Variants in CDK15 observed in about 807,000 individuals in gnomAD.
CDK15 encodes cyclin-dependent kinase 15.
CDK15 carries 62 observed loss-of-function variants against 60.3 expected under a neutral mutation model. That is an observed-to-expected ratio of 1.03 (90% CI 0.84 to 1.27). The LOEUF is 1.27. Ranked by LOEUF, CDK15 falls within the 50% of genes most tolerant of loss-of-function variation. CDK15 has a pLI of 0.00. For missense variants in CDK15, 541 were observed against 527.8 expected (o/e 1.03, Z -0.25); for synonymous variants, 194 against 195.7 (o/e 0.99, Z 0.07).
intron 10 of CDK15, among the ~76,000 whole-genome samples, chr2:201,856,145 T>C (rs1698136992): frequency 2.6e-5 from 4 of 152,114 alleles, no homozygotes; most frequent in African/African-American, 9.7e-5. Context: ...CTTACTAACT[T>C]TGGTATGAGA....
chr2:201,876,447 G>A, intron 11 of CDK15: 1 of 510,014 alleles, frequency 2.0e-6, no homozygotes, highest in Non-Finnish European at 3.6e-6. Flanking sequence ...TGCTACCAGT[G>A]CTGCCAGTGA....
intron 9 of CDK15, 135 bp downstream of exon 9, chr2:201,847,609 G>A (rs1287709370): frequency 1.4e-6 from 1 of 738,368 alleles, no homozygotes; most frequent in African/African-American, 1.8e-5. Context: ...AGAAACTGTA[G>A]CATTTGCCAC....
rs559768475 is a variant in CDK15, at chr2:201,856,946, G to A, written c.1009+2009G>A. ...TTAATAAGATAACTGGGTTCCGGCC[G>A]GGCGCGGTGGCTCACGCCTGTAATC... On this transcript the variant is annotated intron_variant, in intron 10 of 13. Transcript: ENST00000652192. Among the ~76,000 whole-genome samples, 19 of 50,958 alleles carry A rather than the reference G, an allele frequency of 3.7e-4. 5 individuals carry two copies. The highest frequency in any genetic ancestry group is 4.6e-4 in the Non-Finnish European group (13 of 28,444). The allele number at this position is 50,958 out of a possible 152,430, so 33.4% of individuals were successfully genotyped here. A position where few individuals can be genotyped will look rare whatever the true frequency, so the allele number is the denominator to read the frequency against.
At chr2:201,888,724 C>G in intron 12 of CDK15, 1 of 1,220,726 alleles carries the variant, frequency 8.2e-7, no homozygotes, top group Non-Finnish European at 1.0e-6. Context: ...GTCTCTCTCT[C>G]TCTCCCTCCC....
intron 12 of CDK15, 136 bp from the exon 13 acceptor site, chr2:201,890,649 G>T: frequency 1.6e-6 from 1 of 610,482 alleles, no homozygotes. Flanking sequence ...CTATGAGTCA[G>T]TATGAATTAT....
At chr2:201,861,122 T>G in intron 10 of CDK15, 2 of 1,044,470 alleles carry the variant, frequency 1.9e-6, no homozygotes, top group Non-Finnish European at 2.3e-6. Context: ...CATATGGAAC[T>G]GTAAGTCCAA....
chr2:201,835,542 TTG>T (rs1696967119), intron 7 of CDK15, 99 bp from the exon 8 acceptor site: 2 of 1,243,622 alleles, frequency 1.6e-6, no homozygotes, highest in Non-Finnish European at 2.1e-6. Context: ...CACCTAAAGT[TTG>T]TGTGTTATTT....
chr2:201,818,974 C>A (rs201089025), intron 4 of CDK15, among the ~76,000 whole-genome samples: 7 of 79,876 alleles, frequency 8.8e-5, no homozygotes, highest in African/African-American at 4.2e-4. Context: ...AAAAACAAAA[C>A]AAAACAAAAC....
intron 9 of CDK15, among the ~76,000 whole-genome samples, chr2:201,851,234 G>A (rs1697890973): frequency 7.1e-6 from 1 of 140,236 alleles, no homozygotes; most frequent in Non-Finnish European, 1.5e-5. Context: ...GGAGGTTGCA[G>A]TGAGACGAGA....
chr2:201,807,054 A>C (rs563736964), intron 1 of CDK15, among the ~76,000 whole-genome samples: 164 of 152,332 alleles, frequency 1.1e-3, no homozygotes, highest in African/African-American at 3.5e-3. Context: ...AAAATCTCTA[A>C]GGTCCTAAAT....
At chr2:201,886,524 C>T (rs1699455393) in intron 12 of CDK15, among the ~76,000 whole-genome samples, 1 of 152,112 alleles carries the variant, frequency 6.6e-6, no homozygotes, top group African/African-American at 2.4e-5. Context: ...AGGGTTTCAC[C>T]ATGTTGGCCA....
intron 9 of CDK15, among the ~76,000 whole-genome samples, chr2:201,851,910 C>T (rs1324524793): frequency 1.3e-5 from 2 of 152,166 alleles, no homozygotes; most frequent in Non-Finnish European, 2.9e-5. Flanking sequence ...CCACCTGCCT[C>T]AGCCTCCCAA....
chr2:201,812,173 C>CAAAAAAAAAAAACAAACA (rs1695800813), intron 3 of CDK15, among the ~76,000 whole-genome samples: 1 of 96,820 alleles, frequency 1.0e-5, no homozygotes, highest in Admixed American at 1.2e-4. Context: ...GATTCTGTCT[C>CAAAAAAAAAAAACAAACA]AAAAAAAAAA....
intron 8 of CDK15, among the ~76,000 whole-genome samples, chr2:201,840,087 C>G (rs1056441224): frequency 6.6e-6 from 1 of 151,964 alleles, no homozygotes; most frequent in Non-Finnish European, 1.5e-5. Context: ...TGGGTTCAAG[C>G]GATTCTCCTG....
intron 12 of CDK15, among the ~76,000 whole-genome samples, chr2:201,884,941 A>C (rs149582990): frequency 2.6e-5 from 4 of 152,294 alleles, no homozygotes; most frequent in African/African-American, 9.6e-5. Flanking sequence ...TATACAAATA[A>C]AGTGCTCTAA....
At chr2:201,826,092 G>A (rs772418785) in intron 6 of CDK15, among the ~76,000 whole-genome samples, 1 of 152,172 alleles carries the variant, frequency 6.6e-6, no homozygotes, top group African/African-American at 2.4e-5. Flanking sequence ...GGACACTTGT[G>A]TAGAATATCA....
Position 201,882,024 on chromosome 2 carries a change from T to A in CDK15, c.1198+1857T>A, listed in dbSNP as rs1300218267. ...TCTTCAGAGTTTTCTAGGCTCCAGC[T>A]TTTGCTTGACGCAAGATGATTAGGA... On this transcript the variant is annotated intron_variant, in intron 12 of 13. Transcript: ENST00000652192. The surrounding 1 kb of genome is among the most constrained non-coding windows in gnomAD (Gnocchi z 4.0). Among the ~76,000 whole-genome samples, 1 of 152,214 alleles carries A rather than the reference T, an allele frequency of 6.6e-6. No homozygotes were observed. Among genetic ancestry groups the A allele is most frequent in the African/African-American group, 2.4e-5 (1 of 41,464 alleles).
chr2:201,865,882 T>G (rs1212916587), intron 10 of CDK15, among the ~76,000 whole-genome samples: 2 of 102,742 alleles, frequency 1.9e-5, no homozygotes, highest in Non-Finnish European at 3.5e-5. Flanking sequence ...AGAGCAAGAT[T>G]CCATCTCAAC....
chr2:201,836,138 A>G (rs1175082187), intron 8 of CDK15, among the ~76,000 whole-genome samples: 1 of 110,496 alleles, frequency 9.1e-6, no homozygotes, highest in Non-Finnish European at 1.7e-5. Flanking sequence ...TTATATATTT[A>G]TATATTATAT....
Sources: allele counts gnomAD v4.1 joint callset (sites outside exome capture counted in the v4.1 genomes callset), GRCh38; gene constraint gnomAD v4.1.1; non-coding constraint Gnocchi (gnomAD v3.1); transcripts MANE v1.5; gene names NCBI Gene and HGNC (gene_info 2026-07-23, HGNC 2026-07-21).